The following HSPA4L variants were observed in gnomAD, a reference collection of about 807,000 sequenced individuals.
HSPA4L encodes heat shock 70 kDa protein 4L.
A neutral mutation model predicts 100.3 loss-of-function variants in HSPA4L; 48 were observed. The ratio of observed to expected loss-of-function variants is 0.48; its 90% CI spans 0.38 to 0.61. The LOEUF is 0.61. Ranked by LOEUF, HSPA4L falls within the 20% of genes least tolerant of loss-of-function variation. HSPA4L has a pLI of 0.00. For synonymous variants in HSPA4L, 319 were observed against 328.2 expected (o/e 0.97, Z 0.30); for missense variants, 886 against 988.6 (o/e 0.90, Z 1.39).
Position 127,832,862 on chromosome 4 carries a change from G to A in HSPA4L, c.2508G>A (p.Met836Ile). ...SSQHTKSSGE[M>I]EVD is the part of the protein sequence containing the mutation. ...AGCATACTAAATCCTCTGGAGAGAT[G>A]GAAGTGGACTAAGTCTTAATTTTAC... The change falls in exon 19 of 19, where the codon ATG becomes ATA. Residue 836 changes from methionine (M) to isoleucine (I), a missense_variant. Met to Ile is a conservative substitution (Grantham distance 10). Coordinates refer to ENST00000296464, the MANE Select transcript of HSPA4L (RefSeq NM_014278.4). 1 of 1,598,768 alleles carries A rather than the reference G, an allele frequency of 6.3e-7. No homozygotes were observed. The highest frequency in any genetic ancestry group is 8.5e-7 in the Non-Finnish European group (1 of 1,173,488).
chr4:127,790,432 T>G (rs1023556299), intron 1 of HSPA4L, among the ~76,000 whole-genome samples: 1 of 152,166 alleles, frequency 6.6e-6, no homozygotes, highest in Non-Finnish European at 1.5e-5. Context: ...ATATGTAAAT[T>G]TTTACTCTGG....
chr4:127,826,819 A>C (rs2148799372), intron 16 of HSPA4L, among the ~76,000 whole-genome samples: 1 of 152,260 alleles, frequency 6.6e-6, no homozygotes, highest in Middle Eastern at 3.4e-3. Flanking sequence ...TAGGGGAAAA[A>C]CCTACATATA....
chr4:127,809,399 A>G (rs1268665147), intron 11 of HSPA4L: 1 of 1,228,946 alleles, frequency 8.1e-7, no homozygotes, highest in Non-Finnish European at 1.2e-6. Context: ...ATGCACATTC[A>G]TTTGGATACT....
At chr4:127,791,476 A>G (rs1478463871) in intron 1 of HSPA4L, among the ~76,000 whole-genome samples, 3 of 152,264 alleles carry the variant, frequency 2.0e-5, no homozygotes, top group Non-Finnish European at 4.4e-5. Context: ...TGCACTTTAT[A>G]TAAGCACATC....
chr4:127,786,500 CTGT>C (rs1160567324), intron 1 of HSPA4L, among the ~76,000 whole-genome samples: 2 of 152,112 alleles, frequency 1.3e-5, no homozygotes. Context: ...GGGTCTTGGT[CTGT>C]TGCCCAGGCT....
In HSPA4L at chr4:127,789,745, T is replaced by A. The variant is rs1732822142; in HGVS notation, c.108-4332T>A. Among the ~76,000 whole-genome samples, 3 of 152,228 alleles carry A rather than the reference T, an allele frequency of 2.0e-5. No homozygotes were observed. The East Asian group carries it at 5.8e-4, about 29-fold the overall frequency. The stretch of plus-strand genomic sequence containing the variant: ...ATACAAAGTATAATATAGATTATGC[T>A]GTATACACTTGGATAAACTGTATCT... On this transcript the variant is annotated intron_variant, in intron 1 of 18. Transcript: ENST00000296464.
intron 11 of HSPA4L, chr4:127,809,020 G>A (rs1331646785): frequency 4.5e-6 from 2 of 442,050 alleles, no homozygotes; most frequent in Admixed American, 7.3e-5. Context: ...TAAACTTAAT[G>A]TTTACTGGCA....
rs1734302150 is a variant in HSPA4L at position 127,839,096 on chromosome 4, A to G, written c.*6222A>G. The G allele has an allele frequency of 6.6e-6, 1 of 152,172 alleles. No individual in the cohort carries two copies. The highest frequency in any genetic ancestry group is 2.4e-5 in the African/African-American group (1 of 41,424). 9.4% of individuals were successfully genotyped at this position (152,172 alleles called of 1,614,324 possible). On this transcript the variant is annotated 3_prime_UTR_variant, in exon 19 of 19. Transcript: ENST00000296464. ...TCCCTCATTTTTAATCCAAATATCA[A>G]TTTGACAGAATAACAAGGGTCAGAA...
Position 127,827,420 on chromosome 4 carries a change from A to G in HSPA4L, c.2162A>G (p.Asn721Ser). Residue 721 changes from asparagine to serine, a missense_variant, in exon 17 of 19, where the codon AAC becomes AGC. By Grantham distance (46) the Asn-to-Ser change is conservative. Coordinates refer to ENST00000296464, the MANE Select transcript of HSPA4L (RefSeq NM_014278.4). ...LVMKVIEAYRNKDERYDHLDP... is the reference protein window; with the variant it reads ...LVMKVIEAYRSKDERYDHLDP... ...ATGAAAGTGATAGAAGCTTATAGAA[A>G]CAAGGTATTGAATTCATAAAGCCAA... The G allele has an allele frequency of 6.2e-7, 1 of 1,613,710 alleles. No homozygotes were observed. Among genetic ancestry groups the G allele is most frequent in the South Asian group, 1.1e-5 (1 of 91,056 alleles).
Position 127,817,649 on chromosome 4 carries a change from C to T in HSPA4L, c.1579-676C>T, listed in dbSNP as rs533322264. On this transcript the variant is annotated intron_variant, in intron 12 of 18. Transcript: ENST00000296464. ...GTACCTTTTAATAATTTAGAAACAC[C>T]CACTTTGAGTTTTGATTAATTTGAT... is the stretch of plus-strand genomic sequence containing the variant. Among the ~76,000 whole-genome samples the T allele has an allele frequency of 5.3e-5, 8 of 151,852 alleles. No individual in the cohort carries two copies. In the South Asian group the frequency reaches 1.7e-3, roughly 32 times the overall value.
At chr4:127,790,056 T>C (rs550523300) in intron 1 of HSPA4L, among the ~76,000 whole-genome samples, 1 of 152,340 alleles carries the variant, frequency 6.6e-6, no homozygotes, top group East Asian at 1.9e-4. Context: ...ACTTTAAAAG[T>C]TGTCTGCTTT....
intron 1 of HSPA4L, among the ~76,000 whole-genome samples, chr4:127,787,229 A>T (rs1732744320): frequency 6.6e-6 from 1 of 152,232 alleles, no homozygotes; most frequent in Non-Finnish European, 1.5e-5. Flanking sequence ...TGAAAACAAC[A>T]GCACATAGAA....
intron 14 of HSPA4L, among the ~76,000 whole-genome samples, chr4:127,820,817 C>G (rs1733791333): frequency 6.6e-6 from 1 of 152,054 alleles, no homozygotes; most frequent in Admixed American, 6.5e-5. Context: ...GAAATTGATT[C>G]TTCCTTTTAT....
At position 127,801,834 on chromosome 4, in the gene HSPA4L, G is replaced by A. The variant is rs759538186; in HGVS notation, c.579G>A (p.Glu193=). The change falls in exon 6 of 19, where the codon GAG becomes GAA. Residue 193 remains glutamate (E), a synonymous_variant. Coordinates refer to ENST00000296464, the MANE Select transcript of HSPA4L (RefSeq NM_014278.4). ...IYKQDLPPLD[E]KPRNVVFIDM... ...AACAGGATCTTCCCCCATTAGATGA[G>A]AAACCAAGAAATGTAGTATTTATTG... The A allele has an allele frequency of 5.6e-6, 9 of 1,611,124 alleles. No homozygotes were observed. The East Asian group carries it at 2.0e-4, about 36-fold the overall frequency.
At chr4:127,790,543 A>G (rs1259969530) in intron 1 of HSPA4L, among the ~76,000 whole-genome samples, 3 of 152,184 alleles carry the variant, frequency 2.0e-5, no homozygotes, top group African/African-American at 4.8e-5. Flanking sequence ...TTTTCACCAA[A>G]TCACAACTAA....
At chr4:127,818,453 T>C in intron 13 of HSPA4L, 33 bp downstream of exon 13, 2 of 1,309,554 alleles carry the variant, frequency 1.5e-6, no homozygotes, top group Non-Finnish European at 2.2e-6. Flanking sequence ...TTATGTCTTT[T>C]TGAAATTGAT....
chr4:127,805,919 AAG>A (rs941368045), intron 10 of HSPA4L, 126 bp downstream of exon 10: 1 of 531,228 alleles, frequency 1.9e-6, no homozygotes, highest in African/African-American at 1.9e-5. Context: ...TAATGTATTA[AAG>A]AGATATAAAA....
intron 10 of HSPA4L, among the ~76,000 whole-genome samples, chr4:127,807,433 G>A (rs1051477471): frequency 5.9e-5 from 9 of 151,990 alleles, no homozygotes; most frequent in African/African-American, 1.4e-4. Flanking sequence ...GTTTTTAGGG[G>A]TAAAGCACCA....
rs1338682670 is a variant in HSPA4L at position 127,800,790 on chromosome 4, A to G, written c.430-348A>G. ...TTCCATTATATGGATATACCATAAT[A>G]TATTTCTCTAATCTCATTTTCAGAC... On this transcript the variant is annotated intron_variant, in intron 4 of 18. Coordinates refer to ENST00000296464, the MANE Select transcript of HSPA4L (RefSeq NM_014278.4). Among the ~76,000 whole-genome samples the G allele has an allele frequency of 6.6e-5, 10 of 152,162 alleles. No homozygotes were observed. In the East Asian group the frequency reaches 1.9e-3, roughly 29 times the overall value.
Sources: gnomAD v4.1 joint callset for allele counts (sites outside exome capture counted in the v4.1 genomes callset) on GRCh38, gnomAD v4.1.1 for gene constraint, MANE v1.5 for transcripts, NCBI Gene and HGNC (gene_info 2026-07-23, HGNC 2026-07-21) for gene names.